Variants in DTD1 observed in about 807,000 individuals in gnomAD.
The protein encoded by DTD1 is D-aminoacyl-tRNA deacylase 1, also known as D-tyrosyl-tRNA deacylase 1 homolog.
DTD1 carries 13 observed loss-of-function variants against 25.6 expected under a neutral mutation model. That is an observed-to-expected ratio of 0.51 (90% CI 0.33 to 0.81). The LOEUF (loss-of-function observed/expected upper bound fraction) is 0.81, where lower values mean the gene tolerates loss of function less well. Ranked by LOEUF, DTD1 falls within the 30% of genes least tolerant of loss-of-function variation. The pLI is 0.02. For synonymous variants in DTD1, 110 were observed against 103.6 expected, an observed-to-expected ratio of 1.06 and a Z score of -0.37; for missense variants, 193 against 266.4, an observed-to-expected ratio of 0.72 and a Z score of 1.92.
intron 3 of DTD1, among the ~76,000 whole-genome samples, chr20:18,601,671 C>T (rs1216014444): frequency 6.6e-6 from 1 of 151,808 alleles, no homozygotes; most frequent in Non-Finnish European, 1.5e-5. Context: ...CACACTGACA[C>T]CTCACACGGC....
chr20:18,648,671 T>C (rs1352817839), intron 4 of DTD1, among the ~76,000 whole-genome samples: 1 of 152,118 alleles, frequency 6.6e-6, no homozygotes, highest in Non-Finnish European at 1.5e-5. Context: ...TTTAAGTCAT[T>C]ATAACCAAGG....
chr20:18,704,167 AT>A (rs2061116615), intron 4 of DTD1, among the ~76,000 whole-genome samples: 2 of 151,876 alleles, frequency 1.3e-5, no homozygotes, highest in Admixed American at 1.3e-4. Context: ...CGCCTGGCTA[AT>A]TTTTTGTAGT....
intron 3 of DTD1, among the ~76,000 whole-genome samples, chr20:18,612,416 A>C (rs1357576702): frequency 6.6e-6 from 1 of 152,084 alleles, no homozygotes; most frequent in Non-Finnish European, 1.5e-5. Context: ...GCCCTGTGCA[A>C]AGCAAACACT....
In DTD1 at chr20:18,711,081, C is replaced by T. The variant is rs566403045; in HGVS notation, c.478-33019C>T. ...CAGTGCTCAGTAGGACTAATTCTTC[C>T]CACTACTGCAGTGAGTCCTTCCTGA... On this transcript the variant is annotated intron_variant, in intron 4 of 5. Transcript: ENST00000377452. Among the ~76,000 whole-genome samples the T allele has an allele frequency of 3.6e-3, 545 of 152,276 alleles. 1 individual carries two copies. Among genetic ancestry groups the T allele is most frequent in the Non-Finnish European group, 6.1e-3 (415 of 68,016 alleles).
At chr20:18,623,274 C>G (rs2060743723) in intron 3 of DTD1, among the ~76,000 whole-genome samples, 1 of 152,082 alleles carries the variant, frequency 6.6e-6, no homozygotes, top group Non-Finnish European at 1.5e-5. Context: ...TGAAAGATCT[C>G]TATATCTAGA....
intron 4 of DTD1, among the ~76,000 whole-genome samples, chr20:18,697,851 A>AT (rs1240891568): frequency 6.6e-6 from 1 of 152,102 alleles, no homozygotes; most frequent in African/African-American, 2.4e-5. Context: ...CGCCTGGCTA[A>AT]TTTTTTGTAT....
intron 4 of DTD1, among the ~76,000 whole-genome samples, chr20:18,648,189 G>A (rs1328412385): frequency 6.6e-6 from 1 of 152,214 alleles, no homozygotes; most frequent in African/African-American, 2.4e-5. Flanking sequence ...GGCCTTGCTG[G>A]GAGGCCAACT....
In DTD1 at chr20:18,715,993, T is replaced by C. The variant is rs1600387638; in HGVS notation, c.478-28107T>C. The stretch of plus-strand genomic sequence containing the variant: ...TTGAGTGATTTGAGGTTGGACCCCC[T>C]TACTGTACTGTTGAGTTTGTGCTAA... On this transcript the variant is annotated intron_variant, in intron 4 of 5. Transcript: ENST00000377452. Among the ~76,000 whole-genome samples the C allele has an allele frequency of 5.3e-5, 8 of 152,300 alleles. No individual in the cohort carries two copies. In the South Asian group the frequency reaches 1.7e-3, roughly 32 times the overall value.
At chr20:18,651,568 G>A (rs2122355254) in intron 4 of DTD1, among the ~76,000 whole-genome samples, 1 of 152,274 alleles carries the variant, frequency 6.6e-6, no homozygotes, top group African/African-American at 2.4e-5. Flanking sequence ...TCTCATGACT[G>A]CCCCCTTTGA....
chr20:18,729,789 A>G (rs946492885), intron 4 of DTD1, among the ~76,000 whole-genome samples: 4 of 152,224 alleles, frequency 2.6e-5, no homozygotes, highest in African/African-American at 7.2e-5. Flanking sequence ...TTCCATACCC[A>G]GGGCCTTCCT....
At chr20:18,631,758 T>A in intron 4 of DTD1, 1 of 985,460 alleles carries the variant, frequency 1.0e-6, no homozygotes, top group South Asian at 4.7e-5. Flanking sequence ...TTTTATTTGA[T>A]CATTATTCCA....
intron 4 of DTD1, among the ~76,000 whole-genome samples, chr20:18,692,986 G>T (rs951375847): frequency 1.3e-5 from 2 of 151,038 alleles, no homozygotes; most frequent in African/African-American, 4.9e-5. Flanking sequence ...CACCTCCTGG[G>T]TTCAAGCGAT....
chr20:18,710,721 C>G (rs1384863082), intron 4 of DTD1, among the ~76,000 whole-genome samples: 1 of 152,268 alleles, frequency 6.6e-6, no homozygotes, highest in Non-Finnish European at 1.5e-5. Context: ...AGTCAACAGC[C>G]CTTAAATGCA....
Position 18,766,059 on chromosome 20 carries a change from T to TG in DTD1, c.*2724dup, listed in dbSNP as rs1179202981. The TG allele has an allele frequency of 6.6e-6, 1 of 152,182 alleles. No individual in the cohort carries two copies. Among genetic ancestry groups the TG allele is most frequent in the Admixed American group, 6.5e-5 (1 of 15,282 alleles). 9.4% of individuals were successfully genotyped at this position (152,182 alleles called of 1,614,324 possible). The stretch of plus-strand genomic sequence containing the variant: ...AACATAGACCAAATAAAGGCATCTT[T>TG]GGGGGCTGGATGTCCATAGCAGCAC... On this transcript the variant is annotated 3_prime_UTR_variant, in exon 6 of 6. Transcript: ENST00000377452.
At chr20:18,763,231 C>T (rs763467766) in intron 5 of DTD1, 129 bp from the exon 6 acceptor site, 1 of 152,606 alleles carries the variant, frequency 6.6e-6, no homozygotes, top group Admixed American at 6.5e-5. Flanking sequence ...TGCACTGATG[C>T]TGGTGTCACT....
intron 5 of DTD1, among the ~76,000 whole-genome samples, chr20:18,745,725 G>C (rs2061297501): frequency 6.6e-6 from 1 of 152,196 alleles, no homozygotes. Context: ...AGTGGAGTGG[G>C]AGGGCAGGGA....
chr20:18,690,017 T>G (rs889405579), intron 4 of DTD1, among the ~76,000 whole-genome samples: 1 of 150,128 alleles, frequency 6.7e-6, no homozygotes, highest in Non-Finnish European at 1.5e-5. Context: ...GTGTCTGTAC[T>G]CCCAGCTACT....
intron 4 of DTD1, among the ~76,000 whole-genome samples, chr20:18,708,352 A>C (rs2061143823): frequency 1.4e-5 from 1 of 71,536 alleles, no homozygotes. Flanking sequence ...TATATTATAT[A>C]TCTATATATA....
intron 3 of DTD1, among the ~76,000 whole-genome samples, chr20:18,597,768 A>G (rs376920191): frequency 1.4e-4 from 21 of 152,266 alleles, no homozygotes; most frequent in African/African-American, 5.1e-4. Context: ...ATTTGATAAT[A>G]TATTTTATCA....
Sources: gnomAD v4.1 joint callset for allele counts (sites outside exome capture counted in the v4.1 genomes callset) on GRCh38, gnomAD v4.1.1 for gene constraint, MANE v1.5 for transcripts, NCBI Gene and HGNC (gene_info 2026-07-23, HGNC 2026-07-21) for gene names.